The following NOS1 variants were observed in gnomAD, a reference collection of about 807,000 sequenced individuals.
NOS1 encodes the protein NOS type I.
In NOS1, 51 loss-of-function variants were observed where a neutral mutation model predicts 164.5. The observed-to-expected ratio is 0.31, with a 90% CI of 0.25 to 0.39. The LOEUF is 0.39. Ranked by LOEUF, NOS1 falls within the 10% of genes least tolerant of loss-of-function variation. The pLI is 1.00. For missense variants in NOS1, 1,362 were observed against 1,885.6 expected, an observed-to-expected ratio of 0.72 and a Z score of 5.14; for synonymous variants, 719 against 745.8, an observed-to-expected ratio of 0.96 and a Z score of 0.59.
intron 1 of NOS1, among the ~76,000 whole-genome samples, chr12:117,351,750 A>G (rs1043360780): frequency 1.3e-5 from 2 of 152,260 alleles, no homozygotes; most frequent in African/African-American, 2.4e-5. Context: ...TTTACAGAAG[A>G]GGAAAATGAG....
At chr12:117,360,989 G>A (rs1342834338) in intron 1 of NOS1, among the ~76,000 whole-genome samples, 1 of 152,028 alleles carries the variant, frequency 6.6e-6, no homozygotes, top group Non-Finnish European at 1.5e-5. Context: ...CCGCCCGCTA[G>A]GAGGAAAATG....
chr12:117,280,967 A>G (rs1873601826), intron 7 of NOS1, 101 bp from the exon 8 acceptor site: 4 of 1,365,700 alleles, frequency 2.9e-6, no homozygotes, highest in Non-Finnish European at 4.0e-6. Context: ...CTTGAGGCTC[A>G]GGGTAGATTA....
intron 5 of NOS1, among the ~76,000 whole-genome samples, chr12:117,287,031 A>C (rs1592990439): frequency 6.6e-6 from 1 of 152,284 alleles, no homozygotes; most frequent in Non-Finnish European, 1.5e-5. Flanking sequence ...CCTGGCCAAC[A>C]TGGCAAAACT....
Position 117,214,066 on chromosome 12 carries a change from C to A in NOS1, c.*1243G>T. On this transcript the variant is annotated 3_prime_UTR_variant, in exon 29 of 29. Transcript: ENST00000317775. ...AGCCTGAGGGACAAGTTCTTCCCAC[C>A]CCAAGTTGTGGCTCCTATCGAAGAA... The A allele has an allele frequency of 1.0e-6, 1 of 985,384 alleles. No homozygotes were observed. The highest frequency in any genetic ancestry group is 4.7e-5 in the South Asian group (1 of 21,288). The allele number at this position is 985,384 out of a possible 1,614,324, so 61.0% of individuals were successfully genotyped here.
chr12:117,243,270 C>G lies in NOS1; in HGVS notation c.2962+27G>C, dbSNP rs1334493815. On this transcript the variant is annotated intron_variant, in intron 19 of 28. Transcript: ENST00000317775. The surrounding 1 kb of genome is among the most constrained non-coding windows in gnomAD (Gnocchi z 4.3). ...TGCCTTTCCCCCATTGTCACGAATA[C>G]CTCCCTGGAAGGGTGGTGGGAGGTA... 6.2e-7 allele frequency: 1 copy of G among 1,612,222 alleles called. No individual in the cohort carries two copies. Among genetic ancestry groups the G allele is most frequent in the Admixed American group, 1.7e-5 (1 of 59,890 alleles).
At chr12:117,353,012 C>T (rs929059337) in intron 1 of NOS1, among the ~76,000 whole-genome samples, 2 of 152,094 alleles carry the variant, frequency 1.3e-5, no homozygotes, top group Non-Finnish European at 2.9e-5. Flanking sequence ...AGTCATCTAT[C>T]TATCCATCCA....
chr12:117,218,876 A>G (rs1956653685), intron 27 of NOS1, among the ~76,000 whole-genome samples: 1 of 152,148 alleles, frequency 6.6e-6, no homozygotes, highest in African/African-American at 2.4e-5. Context: ...ATGCTGAAGA[A>G]GGGCAGTGGT....
At chr12:117,310,726 C>T (rs1369260366) in intron 3 of NOS1, among the ~76,000 whole-genome samples, 2 of 151,830 alleles carry the variant, frequency 1.3e-5, no homozygotes, top group East Asian at 1.9e-4. Context: ...CTCACTGCAG[C>T]CTTGAACTCC....
intron 18 of NOS1, among the ~76,000 whole-genome samples, chr12:117,246,804 C>T (rs1030705726): frequency 1.3e-5 from 2 of 152,190 alleles, no homozygotes; most frequent in Non-Finnish European, 2.9e-5. Flanking sequence ...CATGTATCAC[C>T]ACTTCATTCT....
intron 18 of NOS1, chr12:117,246,203 T>C (rs905904387): frequency 1.9e-5 from 3 of 156,106 alleles, no homozygotes; most frequent in African/African-American, 7.2e-5. Flanking sequence ...CCCCAGGAAC[T>C]TTAGTGGTTT....
chr12:117,352,993 TTCTC>T (rs1321937794), intron 1 of NOS1, among the ~76,000 whole-genome samples: 2 of 152,250 alleles, frequency 1.3e-5, no homozygotes, highest in Middle Eastern at 3.4e-3. Flanking sequence ...CTACTTGTCT[TTCTC>T]TATCAGTCAT....
intron 1 of NOS1, among the ~76,000 whole-genome samples, chr12:117,351,322 C>A (rs1366726244): frequency 6.6e-6 from 1 of 152,120 alleles, no homozygotes. Context: ...TTCGCCAGCA[C>A]CCCCACTCCA....
rs190132495 is a variant in NOS1, at chr12:117,269,741, C to T, written c.1840-1597G>A. ...TCGGCCTCCCAAAGTGCTGGGATTA[C>T]AGGCGTGAGCCGCTGCACCCGGCCT... is the stretch of plus-strand genomic sequence containing the variant. On this transcript the variant is annotated intron_variant, in intron 10 of 28. Coordinates refer to ENST00000317775, the MANE Select transcript of NOS1 (RefSeq NM_000620.5). Among the ~76,000 whole-genome samples the T allele has an allele frequency of 1.1e-3, 171 of 152,288 alleles. 1 individual carries two copies. The highest frequency in any genetic ancestry group is 3.8e-3 in the African/African-American group (156 of 41,568).
At chr12:117,326,909 C>T (rs1875279765) in intron 2 of NOS1, among the ~76,000 whole-genome samples, 4 of 152,156 alleles carry the variant, frequency 2.6e-5, no homozygotes, top group South Asian at 2.1e-4. Context: ...CCCAGACTGT[C>T]GGCTGGGGGA....
chr12:117,284,505 A>T (rs1314213385), intron 7 of NOS1, among the ~76,000 whole-genome samples: 2 of 152,192 alleles, frequency 1.3e-5, no homozygotes, highest in Non-Finnish European at 2.9e-5. Context: ...TATCAGCAAG[A>T]GAAACTGCCT....
chr12:117,217,974 G>A, intron 28 of NOS1, 72 bp downstream of exon 28: 4 of 1,116,376 alleles, frequency 3.6e-6, no homozygotes, highest in Non-Finnish European at 5.4e-6. Flanking sequence ...GGGAAAGCCA[G>A]ACATTCCTGC....
At chr12:117,306,217 A>C (rs1874138385) in intron 3 of NOS1, among the ~76,000 whole-genome samples, 1 of 152,110 alleles carries the variant, frequency 6.6e-6, no homozygotes, top group South Asian at 2.1e-4. Context: ...CTCTAGGCTA[A>C]AACTGCTCGG....
chr12:117,217,363 A>C (rs1956627770), intron 28 of NOS1, among the ~76,000 whole-genome samples: 1 of 152,102 alleles, frequency 6.6e-6, no homozygotes, highest in African/African-American at 2.4e-5. Flanking sequence ...ATCTGATGCT[A>C]AACCCCAGTA....
chr12:117,234,720 C>A lies in NOS1; in HGVS notation c.3080G>T (p.Ser1027Ile), dbSNP rs756625748. 1 of 1,613,660 alleles carries A rather than the reference C, an allele frequency of 6.2e-7. No individual in the cohort carries two copies. Among genetic ancestry groups the A allele is most frequent in the Non-Finnish European group, 8.5e-7 (1 of 1,179,780 alleles). Residue 1027 changes from serine (S) to isoleucine (I), a missense_variant, in exon 21 of 29, where the codon AGC (serine) becomes ATC (isoleucine). Around this residue, in one of 4 missense-constraint regions of NOS1, gnomAD observed 737 missense variants for 1,030.3 expected, o/e 0.72. Transcript: ENST00000317775. This position sits in a 1 kb window ranked among gnomAD's most constrained non-coding sequence, Gnocchi z 4.3. ...TIFVRLHTNG[S>I]QELQYQPGDH... ...CCCAGGCTGGTACTGCAGCTCCTGG[C>A]TCCCGTTGGTGTGGAGACGCACGAA...
Sources: allele counts gnomAD v4.1 joint callset (sites outside exome capture counted in the v4.1 genomes callset), GRCh38; gene constraint gnomAD v4.1.1; regional missense constraint gnomAD v4.1.1; non-coding constraint Gnocchi (gnomAD v3.1); transcripts MANE v1.5; gene names NCBI Gene and HGNC (gene_info 2026-07-23, HGNC 2026-07-21).